PIKFYVE: variants seen among roughly 807,000 people sequenced by gnomAD.
The protein encoded by PIKFYVE is 1-phosphatidylinositol 3-phosphate 5-kinase.
In PIKFYVE, 122 loss-of-function variants were observed where a neutral mutation model predicts 257.9. That is an observed-to-expected ratio of 0.47 (90% confidence interval 0.41 to 0.55). The LOEUF is 0.55. Among genes scored for constraint, PIKFYVE ranks in the 20% least tolerant of loss-of-function variants. PIKFYVE has a pLI of 0.00. For synonymous variants in PIKFYVE, 892 were observed against 868.9 expected (o/e 1.03, Z -0.47); for missense variants, 2,160 against 2,536.6 (o/e 0.85, Z 3.19).
rs745888421 is a variant in PIKFYVE at position 208,273,750 on chromosome 2, A to G, written c.322+17A>G. ...CAGCATTAGGTAAAACAGTGTTCTT[A>G]TTTCATTCCCTTCTATATGCTAGAT... On this transcript the variant is annotated intron_variant, in intron 3 of 41. Coordinates refer to ENST00000264380, the MANE Select transcript of PIKFYVE (RefSeq NM_015040.4). 1.2e-6 allele frequency: 2 copies of G among 1,613,190 alleles called. No individual in the cohort carries two copies. Among genetic ancestry groups the G allele is most frequent in the African/African-American group, 1.3e-5 (1 of 74,978 alleles).
At position 208,317,916 on chromosome 2, in the gene PIKFYVE, G is replaced by A. The variant is rs78093156; in HGVS notation, c.2057G>A (p.Cys686Tyr). 6.2e-7 allele frequency: 1 copy of A among 1,613,902 alleles called. No individual in the cohort carries two copies. The highest frequency in any genetic ancestry group is 8.5e-7 in the Non-Finnish European group (1 of 1,179,824). ...FDSVVVNGFVCTKNIAHKKMS... is the reference protein window; with the variant it reads ...FDSVVVNGFVYTKNIAHKKMS... ...TCTGTGGTTGTCAATGGCTTTGTTTGTACCAAGAACATTGCACATAAAAAG... is the reference window on the plus strand; with the variant it reads ...TCTGTGGTTGTCAATGGCTTTGTTTATACCAAGAACATTGCACATAAAAAG... Residue 686 changes from cysteine to tyrosine, a missense_variant, in exon 16 of 42, where the codon TGT (cysteine) becomes TAT (tyrosine). Cys to Tyr is a radical substitution (Grantham distance 194). This residue lies in a region of PIKFYVE where 346 missense variants were observed against 365.6 expected (regional missense o/e 0.95). Transcript: ENST00000264380.
chr2:208,333,313 A>G lies in PIKFYVE; in HGVS notation c.3964-2A>G, dbSNP rs1697770362. ...AGGTAAACTATTTTTGCTGAATTCC[A>G]GGTAACACCAGTTGTTGCTCTTTCC... On this transcript the variant is annotated splice_acceptor_variant, in intron 23 of 41. Coordinates refer to ENST00000264380, the MANE Select transcript of PIKFYVE (RefSeq NM_015040.4). LOFTEE classifies it high-confidence loss of function. 6.2e-7 allele frequency: 1 copy of G among 1,613,676 alleles called. No homozygotes were observed.
At chr2:208,329,964 A>T (rs769413405) in intron 22 of PIKFYVE, 51 bp downstream of exon 22, 5 of 1,597,202 alleles carry the variant, frequency 3.1e-6, no homozygotes, top group Non-Finnish European at 4.3e-6. Context: ...TGATGCTCAA[A>T]ATTTCAAGCT....
chr2:208,349,413 A>T lies in PIKFYVE; in HGVS notation c.5375-611A>T, dbSNP rs115406009. Among the ~76,000 whole-genome samples the T allele has an allele frequency of 8.8e-3, 1,328 of 151,742 alleles. 11 individuals are homozygous for T. Among genetic ancestry groups the T allele is most frequent in the African/African-American group, 0.03 (1,232 of 41,456 alleles). On this transcript the variant is annotated intron_variant, in intron 35 of 41. Transcript: ENST00000264380. Reference sequence around the variant, plus strand: ...GGCTTGCAAAGCAAGTCAGTCACATATAAAAAAATAGCTCTGACATAGATT... The same window carrying T: ...GGCTTGCAAAGCAAGTCAGTCACATTTAAAAAAATAGCTCTGACATAGATT...
chr2:208,345,329 C>T, intron 33 of PIKFYVE, 135 bp downstream of exon 33: 1 of 757,916 alleles, frequency 1.3e-6, no homozygotes, highest in South Asian at 1.7e-5. Context: ...CATATTTCAG[C>T]CAATAATTGA....
At chr2:208,288,951 T>C in intron 7 of PIKFYVE, 133 bp downstream of exon 7, 1 of 1,182,644 alleles carries the variant, frequency 8.5e-7, no homozygotes, top group Non-Finnish European at 1.2e-6. Context: ...AATTAAACTA[T>C]CATTTTCTTT....
At chr2:208,274,118 C>T (rs1689788162) in intron 3 of PIKFYVE, 5 of 1,518,968 alleles carry the variant, frequency 3.3e-6, no homozygotes, top group Non-Finnish European at 4.5e-6. Context: ...ATGTGATATG[C>T]ATGCCTCTGG....
chr2:208,269,879 C>T, intron 1 of PIKFYVE: 1 of 298,352 alleles, frequency 3.4e-6, no homozygotes, highest in Non-Finnish European at 6.9e-6. Flanking sequence ...CTGGAGGGGC[C>T]CATGCTGCTG....
In PIKFYVE at chr2:208,301,097, A is replaced by G. The variant is rs200656160; in HGVS notation, c.1208+3A>G. 8.7e-6 allele frequency: 14 copies of G among 1,613,740 alleles called. No individual in the cohort carries two copies. The African/African-American group carries it at 1.9e-4, about 22-fold the overall frequency. On this transcript the variant is annotated splice_donor_region_variant and intron_variant, in intron 9 of 41. Transcript: ENST00000264380. ...CGAAATGGGCATATTGCCACAAGGTATTCTGATCTTAGAAGGTTTCAATAT... is the reference window on the plus strand; with the variant it reads ...CGAAATGGGCATATTGCCACAAGGTGTTCTGATCTTAGAAGGTTTCAATAT...
At chr2:208,277,420 A>T (rs537900498) in intron 4 of PIKFYVE, 117 bp from the exon 5 acceptor site, 2 of 1,099,346 alleles carry the variant, frequency 1.8e-6, no homozygotes, top group Non-Finnish European at 2.7e-6. Flanking sequence ...TCGTATTCCC[A>T]TATGAATTTT....
chr2:208,275,471 A>G (rs1689984201), intron 3 of PIKFYVE, among the ~76,000 whole-genome samples: 1 of 152,186 alleles, frequency 6.6e-6, no homozygotes, highest in African/African-American at 2.4e-5. Context: ...TTTGTAGATC[A>G]TGGGGAGTTG....
At chr2:208,293,825 G>A (rs1248972490) in intron 7 of PIKFYVE, among the ~76,000 whole-genome samples, 1 of 151,878 alleles carries the variant, frequency 6.6e-6, no homozygotes, top group African/African-American at 2.4e-5. Context: ...CTTTAAGGTG[G>A]TCTTTTTCAA....
In PIKFYVE at chr2:208,345,125, G is replaced by T; in HGVS notation, c.5042G>T (p.Arg1681Leu). The T allele has an allele frequency of 6.2e-7, 1 of 1,609,896 alleles. No homozygotes were observed. Among genetic ancestry groups the T allele is most frequent in the Non-Finnish European group, 8.5e-7 (1 of 1,176,564 alleles). Reference protein sequence around the residue: ...IAFALSCKEYRNALEELSKAT... With the variant: ...IAFALSCKEYLNALEELSKAT... ...TCTGCCCTAAGTTGTAAAGAATACC[G>T]AAATGCCTTAGAGGAATTGTCTAAA... Residue 1681 changes from arginine (R) to leucine (L), a missense_variant, in exon 33 of 42, where the codon CGA (arginine) becomes CTA (leucine). Coordinates refer to ENST00000264380, the MANE Select transcript of PIKFYVE (RefSeq NM_015040.4).
Position 208,350,816 on chromosome 2 carries a change from C to T in PIKFYVE, c.5480C>T (p.Ala1827Val), listed in dbSNP as rs1242693593. The T allele has an allele frequency of 8.7e-6, 14 of 1,613,964 alleles. No homozygotes were observed. The South Asian group carries it at 1.2e-4, about 14-fold the overall frequency. The part of the protein sequence containing the change: ...NAKFYCRLYY[A>V]GEFHKMREVI... ...AAGTTTTACTGTCGGCTCTACTATG[C>T]GGGAGAGTTTCATAAGATGCGTGAA... The change falls in exon 37 of 42, where the codon GCG (alanine) becomes GTG (valine). Residue 1827 changes from alanine to valine, a missense_variant. Physicochemically the swap from Ala to Val is moderately conservative, Grantham distance 64. Transcript: ENST00000264380.
intron 31 of PIKFYVE, 101 bp downstream of exon 31, chr2:208,340,232 T>C: frequency 2.1e-6 from 3 of 1,428,528 alleles, no homozygotes; most frequent in Non-Finnish European, 2.9e-6. Context: ...GATTTTTCAA[T>C]CCTAAATTTT....
At chr2:208,288,670 C>T (rs1235030211) in intron 6 of PIKFYVE, 59 bp from the exon 7 acceptor site, 13 of 1,605,042 alleles carry the variant, frequency 8.1e-6, no homozygotes, top group Non-Finnish European at 1.1e-5. Context: ...TAAAGCGCCT[C>T]ATTGAAATTC....
chr2:208,333,870 T>A (rs996838324), intron 24 of PIKFYVE, among the ~76,000 whole-genome samples: 1 of 152,156 alleles, frequency 6.6e-6, no homozygotes, highest in African/African-American at 2.4e-5. Flanking sequence ...GGTCTTGAAG[T>A]GTGCTCAAGT....
chr2:208,329,267 A>T (rs1404401271), intron 21 of PIKFYVE, among the ~76,000 whole-genome samples: 1 of 152,118 alleles, frequency 6.6e-6, no homozygotes, highest in Non-Finnish European at 1.5e-5. Flanking sequence ...CAGTGAGCTC[A>T]TGGGTTCTTC....
rs1700131891 is a variant in PIKFYVE, at chr2:208,355,870, C to T, written c.*565C>T. On this transcript the variant is annotated 3_prime_UTR_variant, in exon 42 of 42. Transcript: ENST00000264380. Reference sequence around the variant, plus strand: ...GAGGAATTTGACTTAAACTGGGAATCCTGTCATGTTGTTTATCTTTCCAGC... The same window carrying T: ...GAGGAATTTGACTTAAACTGGGAATTCTGTCATGTTGTTTATCTTTCCAGC... 1 of 152,540 alleles carries T rather than the reference C, an allele frequency of 6.6e-6. No homozygotes were observed. The highest frequency in any genetic ancestry group is 2.1e-4 in the South Asian group (1 of 4,806). The allele number at this position is 152,540 out of a possible 1,614,324, so 9.4% of individuals were successfully genotyped here.
Sources: gnomAD v4.1 joint callset for allele counts (sites outside exome capture counted in the v4.1 genomes callset) on GRCh38, gnomAD v4.1.1 for gene constraint, gnomAD v4.1.1 regional missense constraint, MANE v1.5 for transcripts, NCBI Gene and HGNC (gene_info 2026-07-23, HGNC 2026-07-21) for gene names.